Variants in FARP1 observed in about 807,000 individuals in gnomAD.
FARP1 encodes the protein FERM, ARHGEF and pleckstrin domain-containing protein 1.
FARP1 carries 52 observed loss-of-function variants against 128.8 expected under a neutral mutation model. The ratio of observed to expected loss-of-function variants is 0.40; its 90% CI spans 0.32 to 0.51. FARP1 has a LOEUF of 0.51. Ranked by LOEUF, FARP1 falls within the 20% of genes least tolerant of loss-of-function variation. The pLI is 0.45. For missense variants in FARP1, 1,333 were observed against 1,367.9 expected (o/e 0.97, Z 0.40); for synonymous variants, 580 against 551.8 (o/e 1.05, Z -0.72).
At chr13:98,282,582 A>T (rs1022309509) in intron 2 of FARP1, among the ~76,000 whole-genome samples, 6 of 152,208 alleles carry the variant, frequency 3.9e-5, no homozygotes, top group Non-Finnish European at 8.8e-5. Context: ...AATTATTTCT[A>T]TCAGAGGATT....
intron 1 of FARP1, among the ~76,000 whole-genome samples, chr13:98,162,928 C>CA (rs1257449550): frequency 1.3e-5 from 2 of 152,094 alleles, no homozygotes; most frequent in Non-Finnish European, 1.5e-5. Flanking sequence ...TCTCAGAGAG[C>CA]AAAAAACAGA....
chr13:98,315,680 C>T (rs149630831), intron 2 of FARP1, among the ~76,000 whole-genome samples: 9 of 152,230 alleles, frequency 5.9e-5, no homozygotes, highest in African/African-American at 1.9e-4. Context: ...CTCGCTCTTC[C>T]TTCCTTCGCC....
Position 98,442,519 on chromosome 13 carries a change from C to G in FARP1, c.2796+1683C>G, listed in dbSNP as rs534553796. Reference sequence around the variant, plus strand: ...GCTGTCCCCACATACGAGGCTCTGTCCCATGGGGTTCCCCTGAGTGTGCAG... The same window carrying G: ...GCTGTCCCCACATACGAGGCTCTGTGCCATGGGGTTCCCCTGAGTGTGCAG... On this transcript the variant is annotated intron_variant, in intron 24 of 26. Coordinates refer to ENST00000319562, the MANE Select transcript of FARP1 (RefSeq NM_005766.4). Among the ~76,000 whole-genome samples the G allele has an allele frequency of 4.6e-5, 7 of 152,352 alleles. No individual in the cohort carries two copies. The South Asian group carries it at 1.4e-3, about 32-fold the overall frequency.
intron 1 of FARP1, among the ~76,000 whole-genome samples, chr13:98,200,043 G>A (rs1879831097): frequency 6.6e-6 from 1 of 152,156 alleles, no homozygotes; most frequent in African/African-American, 2.4e-5. Flanking sequence ...TGGAGGATAT[G>A]TGCTCTACCG....
At chr13:98,207,966 ACACT>A (rs1225782500) in intron 1 of FARP1, among the ~76,000 whole-genome samples, 7 of 144,684 alleles carry the variant, frequency 4.8e-5, no homozygotes, top group Non-Finnish European at 9.1e-5. Context: ...ACACACACAC[ACACT>A]TTGATTCATT....
rs565632498 is a variant in FARP1, at chr13:98,162,774, C to T, written c.-24+19282C>T. ...AACAATGTTCTAGGAGTGGCTGAGG[C>T]GCCTTGCAAGTCAGGAGCTACAAGA... is the stretch of plus-strand genomic sequence containing the variant. On this transcript the variant is annotated intron_variant, in intron 1 of 26. Transcript: ENST00000319562. Among the ~76,000 whole-genome samples, 7 of 152,256 alleles carry T rather than the reference C, an allele frequency of 4.6e-5. No individual in the cohort carries two copies. The South Asian group carries it at 6.2e-4, about 14-fold the overall frequency.
intron 1 of FARP1, among the ~76,000 whole-genome samples, chr13:98,210,553 C>CT (rs146886503): frequency 0.53 from 76,562 of 143,882 alleles, 22,307 homozygotes; most frequent in Non-Finnish European, 0.66. Flanking sequence ...GTTTTTCTAT[C>CT]TTTTCTTTTT....
intron 2 of FARP1, chr13:98,234,652 A>G (rs1483052524): frequency 1.3e-5 from 2 of 152,190 alleles, no homozygotes; most frequent in Non-Finnish European, 2.9e-5. Context: ...AACCTGAAAT[A>G]TGTTTGCTTG....
At position 98,446,119 on chromosome 13, in the gene FARP1, C is replaced by T. The variant is rs746798047; in HGVS notation, c.2818C>T (p.Leu940=). ...TCAGAATCAGTTGTCTGGAAACCTGCTGAGGAAATTCAAAAACAGCAACGG... is the reference window on the plus strand; with the variant it reads ...TCAGAATCAGTTGTCTGGAAACCTGTTGAGGAAATTCAAAAACAGCAACGG... The part of the protein sequence containing the change: ...AVENQLSGNL[L]RKFKNSNGWQ... Residue 940 remains leucine (L), a synonymous_variant, in exon 25 of 27, where the codon CTG becomes TTG. Transcript: ENST00000319562. 39 of 1,613,850 alleles carry T rather than the reference C, an allele frequency of 2.4e-5. No individual in the cohort carries two copies. In the South Asian group the frequency reaches 3.8e-4, roughly 16 times the overall value.
chr13:98,340,971 AT>A (rs1211022662), intron 2 of FARP1: 1 of 152,116 alleles, frequency 6.6e-6, no homozygotes, highest in Non-Finnish European at 1.5e-5. Context: ...GCAGGGAAGA[AT>A]GGGGGTTCCA....
chr13:98,437,018 G>A (rs1186208601), intron 19 of FARP1, among the ~76,000 whole-genome samples: 1 of 152,118 alleles, frequency 6.6e-6, no homozygotes, highest in African/African-American at 2.4e-5. Context: ...GGGTGGCGGG[G>A]GACCATGCAC....
intron 1 of FARP1, among the ~76,000 whole-genome samples, chr13:98,179,954 G>C (rs566470360): frequency 6.6e-6 from 1 of 152,244 alleles, no homozygotes; most frequent in African/African-American, 2.4e-5. Flanking sequence ...CGGGCCCTTT[G>C]AGCTTAGGCC....
chr13:98,349,980 T>A (rs1467590914), intron 3 of FARP1, among the ~76,000 whole-genome samples: 1 of 152,126 alleles, frequency 6.6e-6, no homozygotes, highest in African/African-American at 2.4e-5. Context: ...CCCTCGCTTC[T>A]TCCTAGGGGT....
At chr13:98,186,221 C>T (rs1337798489) in intron 1 of FARP1, among the ~76,000 whole-genome samples, 4 of 152,196 alleles carry the variant, frequency 2.6e-5, no homozygotes, top group South Asian at 2.1e-4. Context: ...ATTCTCCTGC[C>T]TCAGCCTCCT....
chr13:98,184,573 G>A (rs1878735432), intron 1 of FARP1, among the ~76,000 whole-genome samples: 1 of 152,118 alleles, frequency 6.6e-6, no homozygotes. Flanking sequence ...TGCTTCTTAA[G>A]GAAGTACGAC....
At chr13:98,439,714 C>T (rs1892444073) in intron 21 of FARP1, among the ~76,000 whole-genome samples, 1 of 152,224 alleles carries the variant, frequency 6.6e-6, no homozygotes, top group Non-Finnish European at 1.5e-5. Flanking sequence ...CCCACGCTGT[C>T]CTCCGGGATT....
At chr13:98,351,100 T>C (rs1888402782) in intron 3 of FARP1, among the ~76,000 whole-genome samples, 1 of 142,656 alleles carries the variant, frequency 7.0e-6, no homozygotes, top group Admixed American at 7.1e-5. Context: ...ATCCTGCCCT[T>C]GTTCCCCCTC....
intron 3 of FARP1, among the ~76,000 whole-genome samples, chr13:98,363,389 G>T (rs1443715858): frequency 6.6e-6 from 1 of 152,152 alleles, no homozygotes; most frequent in Non-Finnish European, 1.5e-5. Flanking sequence ...TCTGCATATT[G>T]TGGTGTTTTG....
At chr13:98,316,725 A>G (rs1380895461) in intron 2 of FARP1, among the ~76,000 whole-genome samples, 1 of 152,218 alleles carries the variant, frequency 6.6e-6, no homozygotes, top group Non-Finnish European at 1.5e-5. Flanking sequence ...TGATTCCGTC[A>G]TGGGGAGATT....
Sources: gnomAD v4.1 joint callset for allele counts (sites outside exome capture counted in the v4.1 genomes callset) on GRCh38, gnomAD v4.1.1 for gene constraint, MANE v1.5 for transcripts, NCBI Gene and HGNC (gene_info 2026-07-23, HGNC 2026-07-21) for gene names.